Variants in ME1 observed in about 807,000 individuals in gnomAD.
ME1 encodes malic enzyme 1.
A neutral mutation model predicts 66.4 loss-of-function variants in ME1; 74 were observed. That is an observed-to-expected ratio of 1.11 (90% CI 0.92 to 1.35). The LOEUF (loss-of-function observed/expected upper bound fraction) is 1.35. Among genes scored for constraint, ME1 ranks in the 40% most tolerant of loss-of-function variants. The probability of loss-of-function intolerance (pLI) is 0.00; values close to 1 mark genes in which losing one functional copy is unlikely to be tolerated. For missense variants in ME1, 750 were observed against 694.1 expected, an observed-to-expected ratio of 1.08 and a Z score of -0.90; for synonymous variants, 251 against 235.6, an observed-to-expected ratio of 1.07 and a Z score of -0.60.
chr6:83,376,804 C>CAAAAAAAAAAAAAAA (rs70987750), intron 3 of ME1, among the ~76,000 whole-genome samples: 31 of 87,102 alleles, frequency 3.6e-4, no homozygotes, highest in African/African-American at 2.7e-4. Flanking sequence ...CCCTGTCTCA[C>CAAAAAAAAAAAAAAA]AAAAAAAAAA....
In ME1 at chr6:83,315,384, T is replaced by C. The variant is rs1438796452; in HGVS notation, c.630A>G (p.Gly210=). 3.7e-6 allele frequency: 6 copies of C among 1,609,912 alleles called. No homozygotes were observed. The Middle Eastern group carries it at 5.0e-4, about 134-fold the overall frequency. The part of the protein sequence containing the change: ...EELLKDPLYI[G]LRQRRVRGSE... ...AACCTCTTACTCTTCTCTGCCGTAG[T>C]CCAATGTAGAGTGGATCTTTAAGTA... is the stretch of plus-strand genomic sequence containing the variant. Residue 210 remains glycine (G), a synonymous_variant, in exon 6 of 14, where the codon GGA becomes GGG. Coordinates refer to ENST00000369705, the MANE Select transcript of ME1 (RefSeq NM_002395.6).
intron 6 of ME1, among the ~76,000 whole-genome samples, chr6:83,264,755 G>A (rs1766958021): frequency 1.3e-5 from 2 of 152,176 alleles, no homozygotes; most frequent in South Asian, 4.1e-4. Context: ...TATAAAACCT[G>A]AATGGCTGAG....
chr6:83,430,495 C>A (rs1240753961), intron 1 of ME1, among the ~76,000 whole-genome samples: 1 of 152,258 alleles, frequency 6.6e-6, no homozygotes, highest in Non-Finnish European at 1.5e-5. Context: ...GTGAGTGGCA[C>A]ATGGAGTCTG....
Position 83,398,528 on chromosome 6 carries a change from G to A in ME1, c.213-12C>T, listed in dbSNP as rs1769785830. On this transcript the variant is annotated splice_polypyrimidine_tract_variant and intron_variant, in intron 2 of 13. Coordinates refer to ENST00000369705, the MANE Select transcript of ME1 (RefSeq NM_002395.6). Reference sequence around the variant, plus strand: ...TTAAGAGAAGATACCTGTAAAAATTGGACATAATTAGATCTACATCCCATA... The same window carrying A: ...TTAAGAGAAGATACCTGTAAAAATTAGACATAATTAGATCTACATCCCATA... 2 of 1,461,196 alleles carry A rather than the reference G, an allele frequency of 1.4e-6. No homozygotes were observed. The highest frequency in any genetic ancestry group is 2.4e-5 in the East Asian group (1 of 41,200). The allele number at this position is 1,461,196 out of a possible 1,614,324, so 90.5% of individuals were successfully genotyped here.
At chr6:83,308,041 C>A (rs962202230) in intron 6 of ME1, among the ~76,000 whole-genome samples, 2 of 151,900 alleles carry the variant, frequency 1.3e-5, no homozygotes, top group African/African-American at 4.8e-5. Flanking sequence ...CACTACTCAG[C>A]AAAAAAAGCA....
intron 4 of ME1, among the ~76,000 whole-genome samples, chr6:83,349,015 A>AAAAAAAAAAAAAAAAAAAAAAAAAAAAAC (rs746037012): frequency 2.4e-5 from 3 of 124,026 alleles, no homozygotes; most frequent in Non-Finnish European, 3.3e-5. Flanking sequence ...AAAACAAAAA[A>AAAAAAAAAAAAAAAAAAAAAAAAAAAAAC]CAGTGCATTC....
At chr6:83,379,304 C>T (rs1161101440) in intron 3 of ME1, among the ~76,000 whole-genome samples, 2 of 152,000 alleles carry the variant, frequency 1.3e-5, no homozygotes, top group African/African-American at 4.8e-5. Flanking sequence ...ACCTCATCTG[C>T]TCATGTGAAA....
intron 1 of ME1, among the ~76,000 whole-genome samples, chr6:83,422,983 C>T (rs1045961332): frequency 1.3e-5 from 2 of 151,952 alleles, no homozygotes; most frequent in African/African-American, 4.8e-5. Flanking sequence ...TGATAAAAGA[C>T]ATATACTTAC....
intron 6 of ME1, among the ~76,000 whole-genome samples, chr6:83,270,400 C>CA (rs1364364052): frequency 6.7e-6 from 1 of 149,508 alleles, no homozygotes; most frequent in Non-Finnish European, 1.5e-5. Flanking sequence ...AACGCCTTCT[C>CA]AAAAATAAAA....
chr6:83,265,886 T>C (rs1470772681), intron 6 of ME1, among the ~76,000 whole-genome samples: 2 of 152,224 alleles, frequency 1.3e-5, no homozygotes, highest in Admixed American at 6.5e-5. Flanking sequence ...TTTTTCCTCA[T>C]TGGCAATAAC....
chr6:83,357,015 T>C (rs1282025649), intron 3 of ME1, among the ~76,000 whole-genome samples: 1 of 152,238 alleles, frequency 6.6e-6, no homozygotes, highest in Non-Finnish European at 1.5e-5. Context: ...TTCCTCAGTC[T>C]TTCCTTGACT....
intron 7 of ME1, 147 bp from the exon 8 acceptor site, chr6:83,239,783 G>A (rs114599297): frequency 1.9e-4 from 112 of 584,658 alleles, no homozygotes; most frequent in African/African-American, 1.8e-3. Context: ...GCTTGCATAC[G>A]TGGTAAAATT....
Position 83,291,104 on chromosome 6 carries a change from A to T in ME1, c.704+24206T>A, listed in dbSNP as rs1226065424. Among the ~76,000 whole-genome samples, 9 of 152,296 alleles carry T rather than the reference A, an allele frequency of 5.9e-5. 1 individual carries two copies. The highest frequency in any genetic ancestry group is 2.2e-4 in the African/African-American group (9 of 41,580). ...CCAGTCTGTGTCTTTTAATTGGGGC[A>T]TTTAGCCCATTTACATTTAAGGTTA... On this transcript the variant is annotated intron_variant, in intron 6 of 13. Coordinates refer to ENST00000369705, the MANE Select transcript of ME1 (RefSeq NM_002395.6).
At chr6:83,423,196 CTT>C (rs35067753) in intron 1 of ME1, among the ~76,000 whole-genome samples, 2 of 144,016 alleles carry the variant, frequency 1.4e-5, no homozygotes, top group African/African-American at 2.5e-5. Flanking sequence ...AGAGAAATGG[CTT>C]TTTTTTTTTT....
At chr6:83,382,127 T>C in intron 3 of ME1, among the ~76,000 whole-genome samples, 1 of 152,106 alleles carries the variant, frequency 6.6e-6, no homozygotes, top group East Asian at 1.9e-4. Flanking sequence ...CTAACTATAC[T>C]GTGAAAGGAA....
rs558425462 is a variant in ME1 at position 83,350,523 on chromosome 6, T to C, written c.438+1541A>G. Among the ~76,000 whole-genome samples the C allele has an allele frequency of 7.9e-5, 12 of 152,252 alleles. No individual in the cohort carries two copies. The South Asian group carries it at 2.5e-3, about 32-fold the overall frequency. On this transcript the variant is annotated intron_variant, in intron 4 of 13. Coordinates refer to ENST00000369705, the MANE Select transcript of ME1 (RefSeq NM_002395.6). Reference sequence around the variant, plus strand: ...CTCTGTTGCCCAGGCTAGAGTGTAGTGGTGTGATCATAGTACATTGCAGAA... The same window carrying C: ...CTCTGTTGCCCAGGCTAGAGTGTAGCGGTGTGATCATAGTACATTGCAGAA...
chr6:83,282,025 T>C (rs1767306501), intron 6 of ME1, among the ~76,000 whole-genome samples: 1 of 149,378 alleles, frequency 6.7e-6, no homozygotes, highest in Admixed American at 6.7e-5. Context: ...AATTTCTAAA[T>C]AGAATTGAAA....
In ME1 at chr6:83,352,043, TG is replaced by T. The variant is rs760770362; in HGVS notation, c.438+20del. ...AGAAAAAAGAAAAAATTTGCTATAG[TG>T]GAAAAACATGATAACTTACCTTGAT... On this transcript the variant is annotated intron_variant, in intron 4 of 13. Transcript: ENST00000369705. 4 of 1,538,252 alleles carry T rather than the reference TG, an allele frequency of 2.6e-6. No individual in the cohort carries two copies. The Admixed American group carries it at 7.8e-5, about 30-fold the overall frequency.
At chr6:83,245,760 A>G (rs1379369253) in intron 7 of ME1, among the ~76,000 whole-genome samples, 1 of 152,184 alleles carries the variant, frequency 6.6e-6, no homozygotes, top group Non-Finnish European at 1.5e-5. Flanking sequence ...TTGTAATAAA[A>G]ATATTCAACA....
Sources: gnomAD v4.1 joint callset for allele counts (sites outside exome capture counted in the v4.1 genomes callset) on GRCh38, gnomAD v4.1.1 for gene constraint, MANE v1.5 for transcripts, NCBI Gene and HGNC (gene_info 2026-07-23, HGNC 2026-07-21) for gene names.